GABBR1: variants seen among roughly 807,000 people sequenced by gnomAD.
GABBR1 encodes the protein GABA-B receptor, R1 subunit.
In GABBR1, 35 loss-of-function variants were observed where a neutral mutation model predicts 117.7. That is an observed-to-expected ratio of 0.30 (90% CI 0.23 to 0.39). The LOEUF (loss-of-function observed/expected upper bound fraction) is 0.39. Ranked by LOEUF, GABBR1 falls within the 10% of genes least tolerant of loss-of-function variation. The pLI is 1.00. For missense variants in GABBR1, 709 were observed against 1,241.8 expected (o/e 0.57, Z 6.45); for synonymous variants, 442 against 486.6 (o/e 0.91, Z 1.21).
At position 29,623,190 on chromosome 6, in the gene GABBR1, G is replaced by A. The variant is rs564227738; in HGVS notation, c.963+115C>T. On this transcript the variant is annotated intron_variant, in intron 8 of 22. Coordinates refer to ENST00000377034, the MANE Select transcript of GABBR1 (RefSeq NM_001470.4). This position sits in a 1 kb window ranked among gnomAD's most constrained non-coding sequence, Gnocchi z 6.2. The stretch of plus-strand genomic sequence containing the variant: ...ACTGCACTTAATCCACATGGAATGC[G>A]TTCTCTTTCAATGAAGAATCAAGTT... 907 of 930,074 alleles carry A rather than the reference G, an allele frequency of 9.8e-4. 2 individuals are homozygous for A. Among genetic ancestry groups the A allele is most frequent in the Middle Eastern group, 1.6e-3 (7 of 4,300 alleles). 57.6% of individuals were successfully genotyped at this position (930,074 alleles called of 1,614,324 possible).
Position 29,605,793 on chromosome 6 carries a change from A to T in GABBR1, c.2312-97T>A. On this transcript the variant is annotated intron_variant, in intron 19 of 22. Transcript: ENST00000377034. The surrounding 1 kb of genome is among the most constrained non-coding windows in gnomAD (Gnocchi z 4.2). ...CTGCCCTTCACCTACTCTGAAATGG[A>T]AAGGGGGCCCTCCTCTCCAATCCAA... is the stretch of plus-strand genomic sequence containing the variant. The T allele has an allele frequency of 6.9e-7, 1 of 1,452,648 alleles. No homozygotes were observed. The highest frequency in any genetic ancestry group is 2.0e-5 in the Admixed American group (1 of 51,004). The allele number at this position is 1,452,648 out of a possible 1,614,324, so 90.0% of individuals were successfully genotyped here.
In GABBR1 at chr6:29,627,685, G is replaced by A. The variant is rs1397065466; in HGVS notation, c.497-39C>T. ...CGGGGGGACCCGCGAGTGAGGCCGC[G>A]GGAGATGGGGGGAGTGGGAGGCCCA... On this transcript the variant is annotated intron_variant, in intron 5 of 22. Coordinates refer to ENST00000377034, the MANE Select transcript of GABBR1 (RefSeq NM_001470.4). This position sits in a 1 kb window ranked among gnomAD's most constrained non-coding sequence, Gnocchi z 4.4. 2.6e-6 allele frequency: 4 copies of A among 1,533,476 alleles called. No homozygotes were observed. Among genetic ancestry groups the A allele is most frequent in the Non-Finnish European group, 3.5e-6 (4 of 1,145,024 alleles). 95.0% of individuals were successfully genotyped at this position (1,533,476 alleles called of 1,614,324 possible). A position where few individuals can be genotyped will look rare whatever the true frequency, so the allele number is the denominator to read the frequency against.
chr6:29,623,509 T>A lies in GABBR1; in HGVS notation c.793-34A>T. The A allele has an allele frequency of 1.2e-6, 2 of 1,604,832 alleles. No homozygotes were observed. Among genetic ancestry groups the A allele is most frequent in the Non-Finnish European group, 1.7e-6 (2 of 1,174,128 alleles). On this transcript the variant is annotated intron_variant, in intron 7 of 22. Transcript: ENST00000377034. The surrounding 1 kb of genome is among the most constrained non-coding windows in gnomAD (Gnocchi z 6.2). ...CAGGGAGAGTGAGTGCAACAGGGTC[T>A]GTTCACTGAGGACACCAAGAGTGGC...
intron 11 of GABBR1, among the ~76,000 whole-genome samples, chr6:29,616,069 C>T (rs28749528): frequency 0.098 from 14,896 of 152,124 alleles, 852 homozygotes; most frequent in Middle Eastern, 0.21. Flanking sequence ...GGTGTGGTGG[C>T]GCATGCCTGT....
intron 4 of GABBR1, 136 bp from the exon 5 acceptor site, chr6:29,629,243 G>C: frequency 2.1e-6 from 2 of 959,344 alleles, no homozygotes; most frequent in Non-Finnish European, 3.3e-6. Flanking sequence ...CTGAGGGGAG[G>C]GTGCCTGGGG....
At chr6:29,629,261 C>A (rs746937782) in intron 4 of GABBR1, 154 bp from the exon 5 acceptor site, 12 of 810,072 alleles carry the variant, frequency 1.5e-5, no homozygotes, top group Non-Finnish European at 1.9e-5. Flanking sequence ...GGGATAAGAA[C>A]AAGGTGGGTC....
intron 4 of GABBR1, 136 bp from the exon 5 acceptor site, chr6:29,629,243 G>GGGAAGACCGGGGAGGCACCTGC: frequency 1.0e-6 from 1 of 959,344 alleles, no homozygotes; most frequent in East Asian, 2.6e-5. Context: ...CTGAGGGGAG[G>GGGAAGACCGGGGAGGCACCTGC]GTGCCTGGGG....
chr6:29,608,462 T>A, intron 16 of GABBR1, 139 bp downstream of exon 16: 1 of 819,208 alleles, frequency 1.2e-6, no homozygotes. Context: ...AACAGAGGGG[T>A]GATGCTAGAA....
Position 29,607,238 on chromosome 6 carries a change from A to G in GABBR1, c.1993-20T>C, listed in dbSNP as rs749182654. On this transcript the variant is annotated intron_variant, in intron 16 of 22. Transcript: ENST00000377034. This position sits in a 1 kb window ranked among gnomAD's most constrained non-coding sequence, Gnocchi z 5.0. ...GCGGGCCTAGAAAGGAAGAGAGGGC[A>G]CAGGCAGAACAGGGTAGAGTAGTAG... The G allele has an allele frequency of 6.3e-7, 1 of 1,583,472 alleles. No homozygotes were observed. The highest frequency in any genetic ancestry group is 1.1e-5 in the South Asian group (1 of 90,446).
In GABBR1 at chr6:29,605,110, G is replaced by T. The variant is rs1582947327; in HGVS notation, c.2440-122C>A. ...CCTGGTGAACTTTCCCTTTGAAAAG[G>T]ATCCAAATTCAGGATCATCCTCAAA... On this transcript the variant is annotated intron_variant, in intron 20 of 22. Coordinates refer to ENST00000377034, the MANE Select transcript of GABBR1 (RefSeq NM_001470.4). This position sits in a 1 kb window ranked among gnomAD's most constrained non-coding sequence, Gnocchi z 4.2. 3.8e-6 allele frequency: 4 copies of T among 1,056,460 alleles called. No individual in the cohort carries two copies. Among genetic ancestry groups the T allele is most frequent in the Middle Eastern group, 3.2e-4 (1 of 3,160 alleles). The allele number at this position is 1,056,460 out of a possible 1,614,324, so 65.4% of individuals were successfully genotyped here.
rs1249925416 is a variant in GABBR1 at position 29,621,494 on chromosome 6, C to T, written c.1132-202G>A. Among the ~76,000 whole-genome samples the T allele has an allele frequency of 1.3e-5, 2 of 152,144 alleles. No homozygotes were observed. The highest frequency in any genetic ancestry group is 2.9e-5 in the Non-Finnish European group (2 of 68,012). The stretch of plus-strand genomic sequence containing the variant: ...CCCCAGCCCCTGTATTTCTGAGTGG[C>T]CTTTTCCAGCCAGTCAGGACAGATG... On this transcript the variant is annotated intron_variant, in intron 10 of 22. Transcript: ENST00000377034. This position sits in a 1 kb window ranked among gnomAD's most constrained non-coding sequence, Gnocchi z 5.0.
At position 29,621,831 on chromosome 6, in the gene GABBR1, A is replaced by G. The variant is rs1227729385; in HGVS notation, c.1066-14T>C. 1 of 1,613,978 alleles carries G rather than the reference A, an allele frequency of 6.2e-7. No homozygotes were observed. Among genetic ancestry groups the G allele is most frequent in the African/African-American group, 1.3e-5 (1 of 74,924 alleles). On this transcript the variant is annotated splice_polypyrimidine_tract_variant and intron_variant, in intron 9 of 22. Transcript: ENST00000377034. The surrounding 1 kb of genome is among the most constrained non-coding windows in gnomAD (Gnocchi z 5.0). ...GGCATCCTGGCGCTACAACAGAGAAAGAAACAGCTCCTGAGGGATGCCCGG... is the reference window on the plus strand; with the variant it reads ...GGCATCCTGGCGCTACAACAGAGAAGGAAACAGCTCCTGAGGGATGCCCGG...
chr6:29,603,597 C>A lies in GABBR1; in HGVS notation c.2832G>T (p.Glu944Asp). Residue 944 changes from glutamate (E) to aspartate (D), a missense_variant, in exon 23 of 23, where the codon GAG becomes GAT. Around this residue, in one of 9 missense-constraint regions of GABBR1, gnomAD observed 69 missense variants for 64.3 expected, o/e 1.07. Transcript: ENST00000377034. ...CATCACAGCTAAGCCGGTCGGGGGGCTCAGGGGGTCCCCTGGGCAGGCCCC... is the reference window on the plus strand; with the variant it reads ...CATCACAGCTAAGCCGGTCGGGGGGATCAGGGGGTCCCCTGGGCAGGCCCC... Reference protein sequence around the residue: ...PSGGLPRGPPEPPDRLSCDGS... With the variant: ...PSGGLPRGPPDPPDRLSCDGS... 2 of 1,588,032 alleles carry A rather than the reference C, an allele frequency of 1.3e-6. No homozygotes were observed. Among genetic ancestry groups the A allele is most frequent in the African/African-American group, 1.3e-5 (1 of 74,100 alleles).
chr6:29,609,140 AG>A lies in GABBR1; in HGVS notation c.1859+88del. On this transcript the variant is annotated intron_variant, in intron 15 of 22. Coordinates refer to ENST00000377034, the MANE Select transcript of GABBR1 (RefSeq NM_001470.4). This position sits in a 1 kb window ranked among gnomAD's most constrained non-coding sequence, Gnocchi z 4.3. ...AAACTCCATGATACATGGCCATGGG[AG>A]TTACACAGGTTTTATTCTCATCCTG... The A allele has an allele frequency of 7.9e-7, 1 of 1,265,350 alleles. No homozygotes were observed. The highest frequency in any genetic ancestry group is 1.1e-6 in the Non-Finnish European group (1 of 888,956). 78.4% of individuals were successfully genotyped at this position (1,265,350 alleles called of 1,614,324 possible). A position where few individuals can be genotyped will look rare whatever the true frequency, so the allele number is the denominator to read the frequency against.
chr6:29,605,755 C>T lies in GABBR1; in HGVS notation c.2312-59G>A. ...AGGACCACAATGCTCCTCACTCAAT[C>T]CCCATCCCCTCTCTGCCCTTCACCT... On this transcript the variant is annotated intron_variant, in intron 19 of 22. Coordinates refer to ENST00000377034, the MANE Select transcript of GABBR1 (RefSeq NM_001470.4). The surrounding 1 kb of genome is among the most constrained non-coding windows in gnomAD (Gnocchi z 4.2). 6.3e-7 allele frequency: 1 copy of T among 1,587,112 alleles called. No individual in the cohort carries two copies. Among genetic ancestry groups the T allele is most frequent in the Non-Finnish European group, 8.5e-7 (1 of 1,169,872 alleles).
intron 11 of GABBR1, among the ~76,000 whole-genome samples, chr6:29,618,139 T>C (rs1763366918): frequency 6.6e-6 from 1 of 152,180 alleles, no homozygotes; most frequent in South Asian, 2.1e-4. Context: ...CTTTGAGTAG[T>C]CTTTTGGCTT....
At chr6:29,616,315 T>A (rs1582982809) in intron 11 of GABBR1, among the ~76,000 whole-genome samples, 1 of 149,724 alleles carries the variant, frequency 6.7e-6, no homozygotes, top group South Asian at 2.1e-4. Flanking sequence ...GAGGCGGAGG[T>A]TGCAGTGAGC....
chr6:29,619,972 T>A (rs970778889), intron 11 of GABBR1, among the ~76,000 whole-genome samples: 5 of 152,254 alleles, frequency 3.3e-5, no homozygotes, highest in Non-Finnish European at 7.3e-5. Flanking sequence ...GTCAACTTCC[T>A]AAATCTTATT....
chr6:29,632,461 T>C lies in GABBR1; in HGVS notation c.1-76A>G, dbSNP rs1765102245. The C allele has an allele frequency of 8.4e-7, 1 of 1,192,994 alleles. No individual in the cohort carries two copies. 73.9% of individuals were successfully genotyped at this position (1,192,994 alleles called of 1,614,324 possible). A position where few individuals can be genotyped will look rare whatever the true frequency, so the allele number is the denominator to read the frequency against. ...CGCACCCGGAGACTACTCGACCTCT[T>C]GCCGGTTGCCTCGCAGGCTCCGACC... On this transcript the variant is annotated intron_variant, in intron 1 of 22. Transcript: ENST00000377034. The surrounding 1 kb of genome is among the most constrained non-coding windows in gnomAD (Gnocchi z 5.8).
Sources: gnomAD v4.1 joint callset for allele counts (sites outside exome capture counted in the v4.1 genomes callset) on GRCh38, gnomAD v4.1.1 for gene constraint, gnomAD v4.1.1 regional missense constraint, Gnocchi (gnomAD v3.1) non-coding constraint, MANE v1.5 for transcripts, NCBI Gene and HGNC (gene_info 2026-07-23, HGNC 2026-07-21) for gene names.